Variants in SLC4A7 observed in about 807,000 individuals in gnomAD.
SLC4A7 encodes solute carrier family 4 member 7.
In SLC4A7, 51 loss-of-function variants were observed where a neutral mutation model predicts 137.6. The ratio of observed to expected loss-of-function variants is 0.37; its 90% CI spans 0.30 to 0.47. The LOEUF is 0.47. Among genes scored for constraint, SLC4A7 ranks in the 20% least tolerant of loss-of-function variants. The probability of loss-of-function intolerance (pLI) is 1.00; values close to 1 mark genes in which losing one functional copy is unlikely to be tolerated. For synonymous variants in SLC4A7, 542 were observed against 518.6 expected, an observed-to-expected ratio of 1.05 and a Z score of -0.61; for missense variants, 1,247 against 1,525.4, an observed-to-expected ratio of 0.82 and a Z score of 3.04.
intron 1 of SLC4A7, among the ~76,000 whole-genome samples, chr3:27,474,547 T>A (rs1374853878): frequency 6.6e-6 from 1 of 151,880 alleles, no homozygotes; most frequent in Non-Finnish European, 1.5e-5. Flanking sequence ...CGGTCCCTAC[T>A]AAAAATACAA....
chr3:27,385,023 T>G (rs753059923), intron 23 of SLC4A7, among the ~76,000 whole-genome samples: 2 of 152,194 alleles, frequency 1.3e-5, no homozygotes. Flanking sequence ...AAAAATCTGG[T>G]GTCTTAATTC....
intron 19 of SLC4A7, 79 bp from the exon 20 acceptor site, chr3:27,394,848 G>C: frequency 6.5e-7 from 1 of 1,547,804 alleles, no homozygotes; most frequent in Non-Finnish European, 8.7e-7. Flanking sequence ...ATTATAAAGA[G>C]GGAAGAAGCT....
chr3:27,465,966 AG>A (rs66640792), intron 1 of SLC4A7, among the ~76,000 whole-genome samples: 1,585 of 140,652 alleles, frequency 0.011, 24 homozygotes, highest in Non-Finnish European at 0.016. Context: ...AAAAAAAAAA[AG>A]AAAGAAAGAA....
In SLC4A7 at chr3:27,431,466, G is replaced by C; in HGVS notation, c.982C>G (p.Leu328Val). ...SPPSSPSISR[L>V]TSRSSQESQR... ...CTCTCTTGGGAACTTCTGGAGGTCA[G>C]GCGGCTGATGCTAGGGCTAGAAGGA... The change falls in exon 7 of 26, where the codon CTG becomes GTG. Residue 328 changes from leucine to valine, a missense_variant. Leu to Val is a conservative substitution (Grantham distance 32, BLOSUM62 1). This residue lies in a region of SLC4A7 where 223 missense variants were observed against 203.6 expected (regional missense o/e 1.10). Coordinates refer to ENST00000454389, the MANE Select transcript of SLC4A7 (RefSeq NM_001321103.2). The C allele has an allele frequency of 2.5e-6, 4 of 1,614,180 alleles. No individual in the cohort carries two copies. Among genetic ancestry groups the C allele is most frequent in the Non-Finnish European group, 3.4e-6 (4 of 1,180,006 alleles).
chr3:27,481,953 G>A (rs1317428859), intron 1 of SLC4A7, among the ~76,000 whole-genome samples: 1 of 152,044 alleles, frequency 6.6e-6, no homozygotes, highest in East Asian at 1.9e-4. Flanking sequence ...CTAACCAACA[G>A]TGAAATCCCA....
chr3:27,385,677 G>C (rs143741471), intron 23 of SLC4A7, among the ~76,000 whole-genome samples: 149 of 152,200 alleles, frequency 9.8e-4, no homozygotes, highest in African/African-American at 3.3e-3. Context: ...CAGTGAAATG[G>C]TGAAGAGACT....
Position 27,481,701 on chromosome 3 carries a change from A to G in SLC4A7, c.60+2366T>C, listed in dbSNP as rs371049896. Among the ~76,000 whole-genome samples the G allele has an allele frequency of 7.2e-5, 11 of 152,332 alleles. No homozygotes were observed. In the East Asian group the frequency reaches 1.9e-3, roughly 27 times the overall value. ...TATTTGATTTCTATTATTGATTTAT[A>G]TATGTTAACAGTAGCCAAGCCTTAT... On this transcript the variant is annotated intron_variant, in intron 1 of 25. Coordinates refer to ENST00000454389, the MANE Select transcript of SLC4A7 (RefSeq NM_001321103.2).
intron 1 of SLC4A7, among the ~76,000 whole-genome samples, 145 bp downstream of exon 1, chr3:27,483,912 GGGGATGGCGA>G (rs148062123): frequency 0.15 from 23,195 of 151,058 alleles, 1,960 homozygotes; most frequent in South Asian, 0.27. Flanking sequence ...GCCACACAAA[GGGGATGGCGA>G]GGCGCGCCGG....
chr3:27,445,931 C>CAAAAA (rs1164631983), intron 3 of SLC4A7, among the ~76,000 whole-genome samples: 1 of 58,522 alleles, frequency 1.7e-5, no homozygotes, highest in East Asian at 6.8e-4. Context: ...GGCTCAGTCT[C>CAAAAA]AAAAAAAAAA....
In SLC4A7 at chr3:27,394,778, T is replaced by C; in HGVS notation, c.2866-9A>G. 1.9e-6 allele frequency: 3 copies of C among 1,612,056 alleles called. No individual in the cohort carries two copies. Among genetic ancestry groups the C allele is most frequent in the African/African-American group, 2.7e-5 (2 of 74,954 alleles). ...TGATAGCCAGCTCCTTTCTGAAAAG[T>C]GAAATGAACATAAATATCTGTAAGT... On this transcript the variant is annotated splice_polypyrimidine_tract_variant and intron_variant, in intron 19 of 25. Transcript: ENST00000454389.
At position 27,431,495 on chromosome 3, in the gene SLC4A7, C is replaced by T. The variant is rs1156390607; in HGVS notation, c.953G>A (p.Ser318Asn). 4.3e-6 allele frequency: 7 copies of T among 1,613,894 alleles called. No homozygotes were observed. In the South Asian group the frequency reaches 6.6e-5, roughly 15 times the overall value. Residue 318 changes from serine to asparagine, a missense_variant, in exon 7 of 26, where the codon AGT becomes AAT. Ser to Asn is a conservative substitution (Grantham distance 46). Transcript: ENST00000454389. ...GCTGATGCTAGGGCTAGAAGGAGGA[C>T]TGTTTTGAGGGGTGGGTACTGGGGT... ...CTTPVPTPQN[S>N]PPSSPSISRL...
intron 1 of SLC4A7, among the ~76,000 whole-genome samples, chr3:27,478,781 A>C (rs1356169934): frequency 6.7e-6 from 1 of 149,676 alleles, no homozygotes; most frequent in Non-Finnish European, 1.5e-5. Context: ...TGAGGTCAGG[A>C]GTTCAAGACC....
At chr3:27,470,009 C>T (rs1461043543) in intron 1 of SLC4A7, among the ~76,000 whole-genome samples, 1 of 152,154 alleles carries the variant, frequency 6.6e-6, no homozygotes, top group Non-Finnish European at 1.5e-5. Context: ...TATTGGCATA[C>T]ATATAAAACA....
At chr3:27,381,610 A>G (rs1439792296) in intron 24 of SLC4A7, among the ~76,000 whole-genome samples, 1 of 152,218 alleles carries the variant, frequency 6.6e-6, no homozygotes, top group Non-Finnish European at 1.5e-5. Context: ...ATTCATCACA[A>G]CTAATCAACA....
chr3:27,385,618 A>G (rs1368139338), intron 23 of SLC4A7, among the ~76,000 whole-genome samples: 1 of 152,158 alleles, frequency 6.6e-6, no homozygotes, highest in African/African-American at 2.4e-5. Context: ...AGCACATGAT[A>G]TGTAATTTTT....
intron 5 of SLC4A7, among the ~76,000 whole-genome samples, chr3:27,434,545 T>C (rs1015402619): frequency 6.6e-6 from 1 of 152,170 alleles, no homozygotes; most frequent in African/African-American, 2.4e-5. Flanking sequence ...GTGTTGGGAA[T>C]ACAGCAATTT....
chr3:27,417,807 T>C (rs1665827005), intron 11 of SLC4A7, among the ~76,000 whole-genome samples: 3 of 152,088 alleles, frequency 2.0e-5, no homozygotes, highest in Non-Finnish European at 2.9e-5. Flanking sequence ...AAGATAAAGA[T>C]ACCTATTAGA....
intron 1 of SLC4A7, among the ~76,000 whole-genome samples, chr3:27,466,317 G>C (rs1272575303): frequency 1.3e-5 from 2 of 151,852 alleles, no homozygotes; most frequent in Admixed American, 1.3e-4. Flanking sequence ...CGGGCGAGGT[G>C]GTGGGCACCT....
At chr3:27,415,717 G>A (rs11716531) in intron 11 of SLC4A7, among the ~76,000 whole-genome samples, 27,152 of 152,014 alleles carry the variant, frequency 0.18, 2,841 homozygotes, top group Non-Finnish European at 0.25. Flanking sequence ...CCGATCCTTC[G>A]CTTTTCTTTT....
Sources: allele counts gnomAD v4.1 joint callset (sites outside exome capture counted in the v4.1 genomes callset), GRCh38; gene constraint gnomAD v4.1.1; regional missense constraint gnomAD v4.1.1; transcripts MANE v1.5; gene names NCBI Gene and HGNC (gene_info 2026-07-23, HGNC 2026-07-21).